CELF3: variants seen among roughly 807,000 people sequenced by gnomAD.
CELF3 encodes CUGBP Elav-like family member 3, also known as CAG repeat domain.
Under a neutral mutation model 59.6 loss-of-function variants are expected in CELF3, and 26 were observed. The ratio of observed to expected loss-of-function variants is 0.44; its 90% confidence interval spans 0.32 to 0.61. The LOEUF is 0.61. Ranked by LOEUF, CELF3 falls within the 20% of genes least tolerant of loss-of-function variation. CELF3 has a pLI of 0.06. For missense variants in CELF3, 387 were observed against 627.2 expected (o/e 0.62, Z 4.09); for synonymous variants, 245 against 250.7 (o/e 0.98, Z 0.22).
chr1:151,707,241 C>A lies in CELF3; in HGVS notation c.826G>T (p.Ala276Ser), dbSNP rs763711149. 1.9e-6 allele frequency: 3 copies of A among 1,556,352 alleles called. No homozygotes were observed. Among genetic ancestry groups the A allele is most frequent in the South Asian group, 1.2e-5 (1 of 83,864 alleles). The part of the protein sequence containing the change: ...AATPVSAIPA[A>S]LGVNGYSPVP... ...GGGCTGTAGCCGTTGACGCCCAGGGCAGCCGGAATGGCAGAGACAGGCGTG... is the reference window on the plus strand; with the variant it reads ...GGGCTGTAGCCGTTGACGCCCAGGGAAGCCGGAATGGCAGAGACAGGCGTG... Residue 276 changes from alanine to serine, a missense_variant, in exon 8 of 13, where the codon GCC becomes TCC. Ala to Ser is a moderately conservative substitution (Grantham distance 99). Transcript: ENST00000290583.
chr1:151,711,259 T>C (rs1672993540), intron 2 of CELF3: 2 of 187,380 alleles, frequency 1.1e-5, no homozygotes, highest in South Asian at 2.3e-4. Context: ...GGAGATCCTG[T>C]GTGTGGCATC....
intron 1 of CELF3, chr1:151,715,500 G>A: frequency 1.4e-6 from 1 of 711,980 alleles, no homozygotes; most frequent in South Asian, 1.5e-5. Context: ...AGGCTGCTCA[G>A]ATTCTCAGTC....
chr1:151,709,971 CAGAG>C lies in CELF3; in HGVS notation c.229-184_229-181del, dbSNP rs199870709. ...TGAAGGCCTGAGGGGATCAGAGGCACAGAGAGAGAGGATGTAGAGGGAGAGGCTC... is the reference window on the plus strand; with the variant it reads ...TGAAGGCCTGAGGGGATCAGAGGCACAGAGAGGATGTAGAGGGAGAGGCTC... On this transcript the variant is annotated intron_variant, in intron 2 of 12. Transcript: ENST00000290583. This position sits in a 1 kb window ranked among gnomAD's most constrained non-coding sequence, Gnocchi z 4.9. The C allele has an allele frequency of 3.1e-6, 2 of 654,162 alleles. No individual in the cohort carries two copies. The highest frequency in any genetic ancestry group is 2.8e-6 in the Non-Finnish European group (1 of 361,790). The allele number at this position is 654,162 out of a possible 1,614,324, so 40.5% of individuals were successfully genotyped here.
intron 5 of CELF3, chr1:151,708,295 G>T (rs1672739519): frequency 8.5e-6 from 2 of 236,352 alleles, no homozygotes; most frequent in Non-Finnish European, 1.7e-5. Context: ...CCTTGTAGCT[G>T]CCCTGCGTGC....
intron 2 of CELF3, among the ~76,000 whole-genome samples, chr1:151,711,541 C>A (rs949421047): frequency 1.3e-5 from 2 of 151,190 alleles, no homozygotes; most frequent in African/African-American, 2.4e-5. Flanking sequence ...AGCTTTATCA[C>A]CCGCCAATCT....
At position 151,709,683 on chromosome 1, in the gene CELF3, T is replaced by C; in HGVS notation, c.277+60A>G. On this transcript the variant is annotated intron_variant, in intron 3 of 12. Transcript: ENST00000290583. The surrounding 1 kb of genome is among the most constrained non-coding windows in gnomAD (Gnocchi z 4.9). Reference sequence around the variant, plus strand: ...TCAAGAAAGGCTACCCCTCGACAACTCCAGGCCCTGGGCCTGGGGGTGGGA... The same window carrying C: ...TCAAGAAAGGCTACCCCTCGACAACCCCAGGCCCTGGGCCTGGGGGTGGGA... 6.6e-7 allele frequency: 1 copy of C among 1,521,688 alleles called. No individual in the cohort carries two copies. The highest frequency in any genetic ancestry group is 9.1e-7 in the Non-Finnish European group (1 of 1,095,798). 94.3% of individuals were successfully genotyped at this position (1,521,688 alleles called of 1,614,324 possible).
Position 151,716,612 on chromosome 1 carries a change from C to T in CELF3, c.-592G>A, listed in dbSNP as rs904362389. 4.6e-5 allele frequency: 16 copies of T among 350,026 alleles called. No individual in the cohort carries two copies. The highest frequency in any genetic ancestry group is 3.1e-4 in the Admixed American group (8 of 26,036). 21.7% of individuals were successfully genotyped at this position (350,026 alleles called of 1,614,324 possible). On this transcript the variant is annotated 5_prime_UTR_variant, in exon 1 of 13. Transcript: ENST00000290583. ...ATGCCAGATGCTTGATCTCTGATGG[C>T]GGCAGGGCTCCAGGGGTCCCTTTTG...
In CELF3 at chr1:151,709,296, G is replaced by A. The variant is rs765130345; in HGVS notation, c.330C>T (p.Asp110=). Residue 110 remains aspartate, a synonymous_variant, in exon 4 of 13, where the codon GAC becomes GAT. Transcript: ENST00000290583. This position sits in a 1 kb window ranked among gnomAD's most constrained non-coding sequence, Gnocchi z 4.9. ...GMLGKQQTDE[D]VRKMFEPFGT... ...CGAAGGGCTCAAACATCTTCCGGAC[G>A]TCCTCATCTGTCTGCTGCTTCCCTA... The A allele has an allele frequency of 1.1e-5, 17 of 1,613,936 alleles. No homozygotes were observed. The highest frequency in any genetic ancestry group is 1.4e-5 in the Non-Finnish European group (16 of 1,179,974).
chr1:151,715,705 C>G, intron 1 of CELF3, 171 bp downstream of exon 1: 1 of 1,550,192 alleles, frequency 6.5e-7, no homozygotes, highest in African/African-American at 1.4e-5. Flanking sequence ...CCGGGGTTTC[C>G]TGATCACTCT....
At chr1:151,706,183 A>G in intron 10 of CELF3, 41 bp downstream of exon 10, 2 of 1,611,418 alleles carry the variant, frequency 1.2e-6, no homozygotes, top group East Asian at 2.2e-5. Context: ...CCCCAAGCCC[A>G]TAACGAGGGC....
Position 151,709,923 on chromosome 1 carries a change from A to T in CELF3, c.229-132T>A. The T allele has an allele frequency of 1.2e-6, 1 of 833,574 alleles. No homozygotes were observed. The highest frequency in any genetic ancestry group is 2.8e-4 in the Middle Eastern group (1 of 3,520). The allele number at this position is 833,574 out of a possible 1,614,324, so 51.6% of individuals were successfully genotyped here. On this transcript the variant is annotated intron_variant, in intron 2 of 12. Transcript: ENST00000290583. The surrounding 1 kb of genome is among the most constrained non-coding windows in gnomAD (Gnocchi z 4.9). ...CTAAGTTTCTGATGGGAAGGAAGGG[A>T]CAGGGCCTAATACTGTTCAGGATGA...
chr1:151,704,192 C>CTGGGGGGGCCCCCAGGGT (rs1553269299), intron 12 of CELF3, among the ~76,000 whole-genome samples: 1 of 151,700 alleles, frequency 6.6e-6, no homozygotes, highest in Non-Finnish European at 1.5e-5. Context: ...GGGCCCTGGG[C>CTGGGGGGGCCCCCAGGGT]TGGGGGGGCC....
intron 8 of CELF3, 96 bp downstream of exon 8, chr1:151,707,049 C>T (rs1363986697): frequency 3.0e-6 from 4 of 1,320,872 alleles, no homozygotes; most frequent in South Asian, 1.7e-5. Flanking sequence ...AGCACCTGTA[C>T]CCCCAAAGCT....
At chr1:151,708,012 C>G (rs1672719752) in intron 5 of CELF3, 77 bp from the exon 6 acceptor site, 3 of 1,492,024 alleles carry the variant, frequency 2.0e-6, no homozygotes, top group African/African-American at 1.4e-5. Flanking sequence ...GACCTGGTCT[C>G]CATTCCACCC....
At chr1:151,715,513 G>T in intron 1 of CELF3, 1 of 804,690 alleles carries the variant, frequency 1.2e-6, no homozygotes, top group Non-Finnish European at 1.8e-6. Context: ...TCTCAGTCTT[G>T]CTGCACACGC....
chr1:151,715,677 G>T (rs1673419917), intron 1 of CELF3, 199 bp downstream of exon 1: 2 of 1,525,068 alleles, frequency 1.3e-6, no homozygotes, highest in Non-Finnish European at 8.8e-7. Flanking sequence ...GCCAAAAGAG[G>T]CCCTCCTTAG....
chr1:151,712,080 C>T (rs1673073726), intron 2 of CELF3: 1 of 152,418 alleles, frequency 6.6e-6, no homozygotes, highest in Non-Finnish European at 1.5e-5. Flanking sequence ...TGGCCTGGCA[C>T]TTCCTGTGGG....
chr1:151,709,657 C>G lies in CELF3; in HGVS notation c.277+86G>C. On this transcript the variant is annotated intron_variant, in intron 3 of 12. Transcript: ENST00000290583. The surrounding 1 kb of genome is among the most constrained non-coding windows in gnomAD (Gnocchi z 4.9). ...TCTTCAGAATCATCAGGCTTTCTCC[C>G]TCAAGAAAGGCTACCCCTCGACAAC... is the stretch of plus-strand genomic sequence containing the variant. 7.4e-7 allele frequency: 1 copy of G among 1,350,976 alleles called. No individual in the cohort carries two copies. Among genetic ancestry groups the G allele is most frequent in the Non-Finnish European group, 1.1e-6 (1 of 940,310 alleles). The allele number at this position is 1,350,976 out of a possible 1,614,324, so 83.7% of individuals were successfully genotyped here.
chr1:151,714,334 G>T (rs1673276556), intron 2 of CELF3: 1 of 605,180 alleles, frequency 1.7e-6, no homozygotes, highest in East Asian at 2.8e-5. Context: ...TGCCCCATGG[G>T]CAGCTTGGGA....
Sources: gnomAD v4.1 joint callset for allele counts (sites outside exome capture counted in the v4.1 genomes callset) on GRCh38, gnomAD v4.1.1 for gene constraint, Gnocchi (gnomAD v3.1) non-coding constraint, MANE v1.5 for transcripts, NCBI Gene and HGNC (gene_info 2026-07-23, HGNC 2026-07-21) for gene names.